The following ACRBP variants were observed in gnomAD, a reference collection of about 807,000 sequenced individuals.
ACRBP encodes acrosin-binding protein.
In ACRBP, 52 loss-of-function variants were observed where a neutral mutation model predicts 69.0. The observed-to-expected ratio is 0.75, with a 90% confidence interval of 0.60 to 0.95. The LOEUF (loss-of-function observed/expected upper bound fraction) is 0.95. Ranked by LOEUF, ACRBP falls within the 40% of genes least tolerant of loss-of-function variation. The probability of loss-of-function intolerance (pLI) is 0.00; values close to 1 mark genes in which losing one functional copy is unlikely to be tolerated. For synonymous variants in ACRBP, 267 were observed against 258.9 expected, an observed-to-expected ratio of 1.03 and a Z score of -0.30; for missense variants, 604 against 673.0, an observed-to-expected ratio of 0.90 and a Z score of 1.13.
intron 4 of ACRBP, 72 bp from the exon 5 acceptor site, chr12:6,644,677 G>A: frequency 3.3e-6 from 5 of 1,525,802 alleles, no homozygotes; most frequent in Non-Finnish European, 4.4e-6. Context: ...TGTTCACAGA[G>A]GGACACACAC....
intron 8 of ACRBP, among the ~76,000 whole-genome samples, chr12:6,639,310 C>T (rs1255650667): frequency 1.3e-5 from 2 of 152,112 alleles, no homozygotes; most frequent in Non-Finnish European, 2.9e-5. Context: ...TGGGGCAGGA[C>T]GGGGTAGATA....
rs1949094303 is a variant in ACRBP, at chr12:6,646,942, G to GA, written c.113dup (p.Ser39LeufsTer42). On this transcript the variant is annotated frameshift_variant, in exon 2 of 10. Transcript: ENST00000229243. LOFTEE classifies it high-confidence loss of function. The stretch of plus-strand genomic sequence containing the variant: ...AGAAGCGTTCGTATTCGGTAGGAGA[G>GA]AGAGGGCTGCCTGGAGTGGAGGCCT... 1.9e-6 allele frequency: 3 copies of GA among 1,613,856 alleles called. No homozygotes were observed. Among genetic ancestry groups the GA allele is most frequent in the Non-Finnish European group, 2.5e-6 (3 of 1,180,040 alleles).
At chr12:6,638,582 C>G in intron 9 of ACRBP, 178 bp from the exon 10 acceptor site, 2 of 1,210,362 alleles carry the variant, frequency 1.7e-6, no homozygotes, top group Non-Finnish European at 2.3e-6. Flanking sequence ...CATCAAGCAG[C>G]CCAACCCCTT....
At position 6,647,414 on chromosome 12, in the gene ACRBP, C is replaced by T; in HGVS notation, c.-48G>A. Reference sequence around the variant, plus strand: ...TCCCGTGGACACAAGCCGCCTCTAACGGGCCAAGCCGCAGAGAGAGCCGCA... The same window carrying T: ...TCCCGTGGACACAAGCCGCCTCTAATGGGCCAAGCCGCAGAGAGAGCCGCA... On this transcript the variant is annotated 5_prime_UTR_variant, in exon 1 of 10. Coordinates refer to ENST00000229243, the MANE Select transcript of ACRBP (RefSeq NM_032489.3). 1 of 1,478,872 alleles carries T rather than the reference C, an allele frequency of 6.8e-7. No individual in the cohort carries two copies. The highest frequency in any genetic ancestry group is 9.0e-7 in the Non-Finnish European group (1 of 1,109,846). The allele number at this position is 1,478,872 out of a possible 1,614,324, so 91.6% of individuals were successfully genotyped here.
intron 3 of ACRBP, among the ~76,000 whole-genome samples, chr12:6,645,704 A>G (rs1399330054): frequency 7.2e-6 from 1 of 139,238 alleles, no homozygotes; most frequent in African/African-American, 2.7e-5. Flanking sequence ...TCTGTCACCC[A>G]GGCTGGAGTG....
chr12:6,645,657 G>GTTTTTT (rs1453217673), intron 3 of ACRBP, among the ~76,000 whole-genome samples: 5 of 25,940 alleles, frequency 1.9e-4, no homozygotes, highest in African/African-American at 5.5e-4. Context: ...TTTTGGGTTT[G>GTTTTTT]TTTTTTTTGT....
intron 3 of ACRBP, among the ~76,000 whole-genome samples, chr12:6,645,596 C>T (rs1339307539): frequency 6.6e-6 from 1 of 151,972 alleles, no homozygotes; most frequent in Admixed American, 6.6e-5. Context: ...AACGTAAGGG[C>T]TTATCTCTTT....
chr12:6,646,645 CT>C lies in ACRBP; in HGVS notation c.263-69del, dbSNP rs575141766. ...TTGGGGTGGGGCTGTGGGCAATGGA[CT>C]CCACGCCATGGGGAGGGTGGAGAGT... On this transcript the variant is annotated intron_variant, in intron 2 of 9. Transcript: ENST00000229243. 2.8e-4 allele frequency: 433 copies of C among 1,530,418 alleles called. No homozygotes were observed. The African/African-American group carries it at 5.4e-3, about 19-fold the overall frequency. The allele number at this position is 1,530,418 out of a possible 1,614,324, so 94.8% of individuals were successfully genotyped here.
intron 6 of ACRBP, 88 bp downstream of exon 6, chr12:6,643,451 C>T: frequency 1.3e-6 from 2 of 1,536,292 alleles, no homozygotes; most frequent in Non-Finnish European, 1.8e-6. Flanking sequence ...GCTTCTCCTG[C>T]CCATCCTCCA....
chr12:6,647,063 C>A, intron 1 of ACRBP, 51 bp from the exon 2 acceptor site: 2 of 1,542,632 alleles, frequency 1.3e-6, no homozygotes, highest in South Asian at 1.1e-5. Flanking sequence ...AAAACCCGCT[C>A]CGAGACCAGG....
chr12:6,639,591 C>T (rs1181336743), intron 8 of ACRBP, among the ~76,000 whole-genome samples: 1 of 152,154 alleles, frequency 6.6e-6, no homozygotes, highest in East Asian at 1.9e-4. Context: ...CAGGTCATTC[C>T]ACAGGGGAGG....
chr12:6,647,276 G>A (rs1949097471), intron 1 of ACRBP, 48 bp downstream of exon 1: 1 of 1,527,168 alleles, frequency 6.5e-7, no homozygotes, highest in Middle Eastern at 1.7e-4. Flanking sequence ...TCGGGAGGGA[G>A]AGGACTAGCC....
At chr12:6,647,047 A>C (rs1949095389) in intron 1 of ACRBP, 35 bp from the exon 2 acceptor site, 28 of 1,576,690 alleles carry the variant, frequency 1.8e-5, no homozygotes, top group Non-Finnish European at 2.4e-5. Flanking sequence ...GGAAGGACCG[A>C]ACCCCAAAAC....
chr12:6,646,373 G>T, intron 3 of ACRBP, 110 bp downstream of exon 3: 1 of 933,732 alleles, frequency 1.1e-6, no homozygotes, highest in Non-Finnish European at 1.8e-6. Flanking sequence ...AAAATGGCAG[G>T]GAAGGAGGAG....
rs772716794 is a variant in ACRBP at position 6,647,337 on chromosome 12, GGGAA to G, written c.26_29del (p.Leu9ProfsTer4). Reference sequence around the variant, plus strand: ...TAAACCTCTCACCCTTCAGGAGTGAGGGAAGGAAGCCAGCGGCTGGCTTCCTCAT... The same window carrying G: ...TAAACCTCTCACCCTTCAGGAGTGAGGGAAGCCAGCGGCTGGCTTCCTCAT... On this transcript the variant is annotated frameshift_variant, in exon 1 of 10. Coordinates refer to ENST00000229243, the MANE Select transcript of ACRBP (RefSeq NM_032489.3). LOFTEE classifies it high-confidence loss of function. The G allele has an allele frequency of 1.9e-5, 30 of 1,549,444 alleles. No individual in the cohort carries two copies. The highest frequency in any genetic ancestry group is 2.5e-5 in the Non-Finnish European group (29 of 1,147,466).
Position 6,640,460 on chromosome 12 carries a change from C to T in ACRBP, c.1140G>A (p.Leu380=), listed in dbSNP as rs771412740. 6.2e-7 allele frequency: 1 copy of T among 1,614,142 alleles called. No homozygotes were observed. The highest frequency in any genetic ancestry group is 8.5e-7 in the Non-Finnish European group (1 of 1,180,030). ...STCALCDFCS[L]KLEQCHSEAS... is the part of the protein sequence containing the mutation. ...CCTCTGAGTGGCACTGCTCCAGCTT[C>T]AAGGAGCAGAAGTCACAGAGGGCAC... Residue 380 remains leucine, a synonymous_variant, in exon 7 of 10, where the codon TTG becomes TTA. Transcript: ENST00000229243. The surrounding 1 kb of genome is among the most constrained non-coding windows in gnomAD (Gnocchi z 5.3).
intron 5 of ACRBP, 191 bp downstream of exon 5, chr12:6,643,946 T>C: frequency 8.4e-7 from 1 of 1,194,620 alleles, no homozygotes; most frequent in Non-Finnish European, 1.1e-6. Flanking sequence ...AGGGCTTACA[T>C]AGAGAATAAG....
Position 6,643,590 on chromosome 12 carries a change from T to C in ACRBP, c.1026A>G (p.Thr342=). 1.2e-6 allele frequency: 2 copies of C among 1,614,218 alleles called. No individual in the cohort carries two copies. The highest frequency in any genetic ancestry group is 8.5e-7 in the Non-Finnish European group (1 of 1,180,040). The part of the protein sequence containing the change: ...IVENTCIITP[T]AKAWKYMEEE... The stretch of plus-strand genomic sequence containing the variant: ...CCTCCATGTACTTCCAGGCCTTGGC[T>C]GTGGGGGTTATGATGCAGGTATTCT... Residue 342 remains threonine (T), a synonymous_variant, in exon 6 of 10, where the codon ACA becomes ACG. Coordinates refer to ENST00000229243, the MANE Select transcript of ACRBP (RefSeq NM_032489.3).
At chr12:6,639,976 C>T in intron 8 of ACRBP, 84 bp downstream of exon 8, 1 of 1,506,110 alleles carries the variant, frequency 6.6e-7, no homozygotes, top group Non-Finnish European at 9.0e-7. Context: ...CCCCCTTCCA[C>T]AAACTAGCGC....
Sources: allele counts gnomAD v4.1 joint callset (sites outside exome capture counted in the v4.1 genomes callset), GRCh38; gene constraint gnomAD v4.1.1; non-coding constraint Gnocchi (gnomAD v3.1); transcripts MANE v1.5; gene names NCBI Gene and HGNC (gene_info 2026-07-23, HGNC 2026-07-21).